The following ENOX1 variants were observed in gnomAD, a reference collection of about 807,000 sequenced individuals.
The protein encoded by ENOX1 is ecto-NOX disulfide-thiol exchanger 1, also known as candidate growth-related and time keeping constitutive hydroquinone (NADH) oxidase.
In ENOX1, 42 loss-of-function variants were observed where a neutral mutation model predicts 82.5. The ratio of observed to expected loss-of-function variants is 0.51; its 90% CI spans 0.40 to 0.66. The LOEUF (loss-of-function observed/expected upper bound fraction) is 0.66, where lower values mean the gene tolerates loss of function less well. Ranked by LOEUF, ENOX1 falls within the 30% of genes least tolerant of loss-of-function variation. The probability of loss-of-function intolerance (pLI) is 0.00; values close to 1 mark genes in which losing one functional copy is unlikely to be tolerated. For missense variants in ENOX1, 608 were observed against 811.6 expected (o/e 0.75, Z 3.05); for synonymous variants, 271 against 282.2 (o/e 0.96, Z 0.40).
chr13:43,470,387 C>CACATATATCT (rs1566308507), intron 3 of ENOX1, among the ~76,000 whole-genome samples: 1 of 51,506 alleles, frequency 1.9e-5, no homozygotes, highest in Admixed American at 1.9e-4. Context: ...CATATATATA[C>CACATATATCT]GTATATATAT....
At chr13:43,241,682 C>T (rs1162937252) in intron 14 of ENOX1, among the ~76,000 whole-genome samples, 4 of 152,070 alleles carry the variant, frequency 2.6e-5, no homozygotes, top group African/African-American at 4.8e-5. Flanking sequence ...TTCTGTGATA[C>T]GTAGAAGGAA....
chr13:43,745,058 T>G (rs2153828888), intron 1 of ENOX1, among the ~76,000 whole-genome samples: 1 of 152,318 alleles, frequency 6.6e-6, no homozygotes, highest in Middle Eastern at 3.4e-3. Context: ...TGCTGGGCCT[T>G]GAGCTCCACA....
rs762387791 is a variant in ENOX1, at chr13:43,269,466, T to C, written c.1554+4A>G. ...CATAAATCAGAGCTGTTTCATTCAC[T>C]TACTTGTTCCTGCAGGACTTTTAGT... On this transcript the variant is annotated splice_donor_region_variant and intron_variant, in intron 13 of 16. Transcript: ENST00000690772. The C allele has an allele frequency of 3.7e-6, 6 of 1,611,012 alleles. No homozygotes were observed. The highest frequency in any genetic ancestry group is 4.2e-6 in the Non-Finnish European group (5 of 1,177,182).
chr13:43,304,053 G>C (rs577555769), intron 11 of ENOX1, among the ~76,000 whole-genome samples: 1 of 152,160 alleles, frequency 6.6e-6, no homozygotes, highest in Non-Finnish European at 1.5e-5. Flanking sequence ...TATGAGCCCC[G>C]ACTCCATGTT....
intron 2 of ENOX1, among the ~76,000 whole-genome samples, chr13:43,525,318 A>G (rs2077940947): frequency 6.6e-6 from 1 of 152,172 alleles, no homozygotes. Context: ...GTCTCTATGA[A>G]TGTGACTACT....
intron 10 of ENOX1, among the ~76,000 whole-genome samples, chr13:43,323,751 T>G (rs565785110): frequency 2.4e-4 from 37 of 152,216 alleles, no homozygotes; most frequent in Middle Eastern, 6.8e-3. Flanking sequence ...ATAATAAAAC[T>G]AAATTACTAC....
intron 2 of ENOX1, among the ~76,000 whole-genome samples, chr13:43,581,130 T>TGCCATCACTGCA (rs2080709818): frequency 8.4e-6 from 1 of 119,344 alleles, no homozygotes; most frequent in Non-Finnish European, 1.7e-5. Flanking sequence ...TGATTCTTTT[T>TGCCATCACTGCA]TTTTTTTTTT....
chr13:43,314,009 T>C (rs4942211), intron 11 of ENOX1, among the ~76,000 whole-genome samples: 123,576 of 152,142 alleles, frequency 0.81, 50,741 homozygotes, highest in East Asian at 1. Context: ...TGCAATGCCC[T>C]GCCGGAAATG....
intron 1 of ENOX1, among the ~76,000 whole-genome samples, chr13:43,753,486 T>C (rs1305832361): frequency 3.3e-5 from 5 of 152,152 alleles, no homozygotes; most frequent in Admixed American, 2.0e-4. Context: ...AGTAACACAA[T>C]TGATTTTTAT....
chr13:43,443,545 G>A (rs1386096907), intron 3 of ENOX1, among the ~76,000 whole-genome samples: 1 of 152,158 alleles, frequency 6.6e-6, no homozygotes, highest in Non-Finnish European at 1.5e-5. Flanking sequence ...GTGATGCAAG[G>A]TGAATCAGGC....
chr13:43,550,164 C>T (rs1293300696), intron 2 of ENOX1, among the ~76,000 whole-genome samples: 1 of 152,168 alleles, frequency 6.6e-6, no homozygotes, highest in Non-Finnish European at 1.5e-5. Context: ...ACTCGCCTGC[C>T]TCTCACCTCC....
At chr13:43,338,135 G>A (rs1393874767) in intron 9 of ENOX1, among the ~76,000 whole-genome samples, 1 of 152,144 alleles carries the variant, frequency 6.6e-6, no homozygotes, top group Non-Finnish European at 1.5e-5. Context: ...AGATATGTGT[G>A]TGTTGTAATT....
chr13:43,663,232 T>C (rs2084818112), intron 2 of ENOX1, among the ~76,000 whole-genome samples: 1 of 152,166 alleles, frequency 6.6e-6, no homozygotes, highest in Non-Finnish European at 1.5e-5. Context: ...AGGAGCAGGA[T>C]GAACTGAAGA....
intron 2 of ENOX1, among the ~76,000 whole-genome samples, chr13:43,559,211 C>G (rs1005328451): frequency 6.6e-6 from 1 of 152,192 alleles, no homozygotes; most frequent in African/African-American, 2.4e-5. Context: ...AGCCCTATGG[C>G]CTGCTGAATC....
intron 2 of ENOX1, among the ~76,000 whole-genome samples, chr13:43,642,073 A>C (rs576360424): frequency 1.3e-5 from 2 of 152,318 alleles, no homozygotes; most frequent in African/African-American, 4.8e-5. Context: ...ATTTTACAGA[A>C]GAGAAAACAA....
chr13:43,482,383 A>G (rs2058540133), intron 3 of ENOX1, among the ~76,000 whole-genome samples: 1 of 152,224 alleles, frequency 6.6e-6, no homozygotes, highest in African/African-American at 2.4e-5. Flanking sequence ...CAGTCACCGA[A>G]GGACAAGTAC....
intron 1 of ENOX1, among the ~76,000 whole-genome samples, chr13:43,716,933 G>A (rs2088183124): frequency 6.6e-6 from 1 of 152,120 alleles, no homozygotes; most frequent in African/African-American, 2.4e-5. Flanking sequence ...TCATGGATTG[G>A]AAGAATCAAT....
intron 2 of ENOX1, among the ~76,000 whole-genome samples, chr13:43,489,388 A>C (rs2076542262): frequency 6.6e-6 from 1 of 152,156 alleles, no homozygotes; most frequent in African/African-American, 2.4e-5. Context: ...ATATGGTCGT[A>C]ATTCTGAGGC....
chr13:43,682,283 G>A (rs971410601), intron 1 of ENOX1, among the ~76,000 whole-genome samples: 2 of 152,046 alleles, frequency 1.3e-5, no homozygotes, highest in African/African-American at 4.8e-5. Flanking sequence ...AACTCACTGT[G>A]ACTAAAGGAA....
Sources: allele counts gnomAD v4.1 joint callset (sites outside exome capture counted in the v4.1 genomes callset), GRCh38; gene constraint gnomAD v4.1.1; transcripts MANE v1.5; gene names NCBI Gene and HGNC (gene_info 2026-07-23, HGNC 2026-07-21).